The following TCHH variants were observed in gnomAD, a reference collection of about 807,000 sequenced individuals.
TCHH encodes the protein trichohyalin.
Under a neutral mutation model 6.3 loss-of-function variants are expected in TCHH, and 6 were observed. That is an observed-to-expected ratio of 0.95 (90% CI 0.52 to 1.88). TCHH has a LOEUF of 1.88. Ranked by LOEUF, TCHH falls within the 40% of genes most tolerant of loss-of-function variation. The pLI is 0.01. For synonymous variants in TCHH, 1,087 were observed against 963.6 expected, an observed-to-expected ratio of 1.13 and a Z score of -2.37; for missense variants, 2,920 against 2,449.1, an observed-to-expected ratio of 1.19 and a Z score of -4.06.
rs776921016 is a variant in TCHH at position 152,109,580 on chromosome 1, G to C, written c.3637C>G (p.Arg1213Gly). Reference sequence around the variant, plus strand: ...CTGCGCTGATCCTCATCCCGGTATCGCTGCTTCCTTTTCTGGCGCTGAAGC... The same window carrying C: ...CTGCGCTGATCCTCATCCCGGTATCCCTGCTTCCTTTTCTGGCGCTGAAGC... ...EELQRQKRKQ[R>G]YRDEDQRSDL... Residue 1213 changes from arginine (R) to glycine (G), a missense_variant, in exon 3 of 3, where the codon CGA becomes GGA. Arg to Gly is a moderately radical substitution (Grantham distance 125). Coordinates refer to ENST00000614923, the MANE Select transcript of TCHH (RefSeq NM_007113.4). The C allele has an allele frequency of 7.4e-6, 12 of 1,614,206 alleles. No individual in the cohort carries two copies. In the South Asian group the frequency reaches 1.2e-4, roughly 16 times the overall value.
At position 152,112,487 on chromosome 1, in the gene TCHH, T is replaced by TCTCTTCTTC; in HGVS notation, c.721_729dup (p.Glu241_Glu243dup). ...ACTGTCTCGCGCTTCCTCCACTCTT[T>TCTCTTCTTC]CTCTTCTTCCTCCTGGAACACTCTG... On this transcript the variant is annotated inframe_insertion, in exon 3 of 3. Transcript: ENST00000614923. The TCTCTTCTTC allele has an allele frequency of 6.2e-7, 1 of 1,613,002 alleles. No individual in the cohort carries two copies. Among genetic ancestry groups the TCTCTTCTTC allele is most frequent in the Non-Finnish European group, 8.5e-7 (1 of 1,179,668 alleles).
Position 152,107,622 on chromosome 1 carries a change from C to T in TCHH, c.5595G>A (p.Trp1865Ter). 1 of 1,614,154 alleles carries T rather than the reference C, an allele frequency of 6.2e-7. No homozygotes were observed. Among genetic ancestry groups the T allele is most frequent in the South Asian group, 1.1e-5 (1 of 91,080 alleles). ...EKSRREEQELWQEEEQKRRQE... is the reference protein window; with the variant it reads ...EKSRREEQEL ...GGCGACGTTTCTGCTCCTCTTCTTG[C>T]CATAGTTCTTGTTCCTCACGACGAC... is the stretch of plus-strand genomic sequence containing the variant. Residue 1865 changes from tryptophan to a stop codon, truncating the protein, a stop_gained, in exon 3 of 3, where the codon TGG becomes TGA. Coordinates refer to ENST00000614923, the MANE Select transcript of TCHH (RefSeq NM_007113.4). LOFTEE classifies it low-confidence loss of function (END_TRUNC).
In TCHH at chr1:152,108,503, G is replaced by A. The variant is rs1366721040; in HGVS notation, c.4714C>T (p.Leu1572=). The A allele has an allele frequency of 6.2e-7, 1 of 1,612,114 alleles. No individual in the cohort carries two copies. Among genetic ancestry groups the A allele is most frequent in the Admixed American group, 1.7e-5 (1 of 59,878 alleles). ...QLRQEREEQQ[L]SRQERDRKFR... is the part of the protein sequence containing the mutation. ...TTTCTGTCACGCTCTTGGCGGCTCA[G>A]CTGCTGTTCCTCCCTCTCCTGGCGC... Residue 1572 remains leucine, a synonymous_variant, in exon 3 of 3, where the codon CTG becomes TTG. Coordinates refer to ENST00000614923, the MANE Select transcript of TCHH (RefSeq NM_007113.4).
rs765284326 is a variant in TCHH at position 152,114,117 on chromosome 1, A to C, written c.-31-6T>G. 6.4e-6 allele frequency: 10 copies of C among 1,568,828 alleles called. No homozygotes were observed. In the Admixed American group the frequency reaches 2.0e-4, roughly 31 times the overall value. ...TCCTTCAAGTTCAAGTAAACCTAGA[A>C]CAATAAAATAAGATCCAGAATCAAA... On this transcript the variant is annotated splice_region_variant and splice_polypyrimidine_tract_variant and intron_variant, in intron 1 of 2. Transcript: ENST00000614923.
At position 152,108,103 on chromosome 1, in the gene TCHH, C is replaced by A. The variant is rs751590080; in HGVS notation, c.5114G>T (p.Arg1705Leu). The change falls in exon 3 of 3, where the codon CGA (arginine) becomes CTA (leucine). Residue 1705 changes from arginine (R) to leucine (L), a missense_variant. Arg to Leu is a moderately radical substitution (Grantham distance 102). Coordinates refer to ENST00000614923, the MANE Select transcript of TCHH (RefSeq NM_007113.4). ...TTCCTCCTGGAGGAATTTTCTCTCT[C>A]GTTCCTGACGGCGGAGCTGCTGTTC... is the stretch of plus-strand genomic sequence containing the variant. ...EEEQQLRRQE[R>L]ERKFLQEEQQ... is the part of the protein sequence containing the mutation. 1 of 1,600,118 alleles carries A rather than the reference C, an allele frequency of 6.2e-7. No individual in the cohort carries two copies. The highest frequency in any genetic ancestry group is 1.1e-5 in the South Asian group (1 of 90,550).
At position 152,107,567 on chromosome 1, in the gene TCHH, G is replaced by A. The variant is rs759365428; in HGVS notation, c.5650C>T (p.His1884Tyr). 4 of 1,614,116 alleles carry A rather than the reference G, an allele frequency of 2.5e-6. No individual in the cohort carries two copies. The highest frequency in any genetic ancestry group is 1.1e-5 in the South Asian group (1 of 91,072). The change falls in exon 3 of 3, where the codon CAC becomes TAC. Residue 1884 changes from histidine to tyrosine, a missense_variant. By Grantham distance (83) the His-to-Tyr change is moderately conservative. Coordinates refer to ENST00000614923, the MANE Select transcript of TCHH (RefSeq NM_007113.4). ...TCCTCCTTCTGCTGGCGGCGGATGT[G>A]TTCTTCCCGTAATTTCCTTTCCCGT... ...QERERKLREE[H>Y]IRRQQKEEQR... is the part of the protein sequence containing the mutation.
In TCHH at chr1:152,109,394, G is replaced by A. The variant is rs1271594308; in HGVS notation, c.3823C>T (p.Gln1275Ter). 8 of 1,614,122 alleles carry A rather than the reference G, an allele frequency of 5.0e-6. No homozygotes were observed. Among genetic ancestry groups the A allele is most frequent in the Non-Finnish European group, 6.8e-6 (8 of 1,180,050 alleles). Reference sequence around the variant, plus strand: ...CTCTCTTGCTCACGATCTCGCTCTTGCTGTTCACCCAGCAGGTGCTGCAGA... The same window carrying A: ...CTCTCTTGCTCACGATCTCGCTCTTACTGTTCACCCAGCAGGTGCTGCAGA... ...QDLQHLLGEQQERDREQERRR... is the reference protein window; with the variant it reads ...QDLQHLLGEQ The change falls in exon 3 of 3, where the codon CAA becomes TAA. Residue 1275 changes from glutamine (Q) to a stop codon, truncating the protein, a stop_gained. Coordinates refer to ENST00000614923, the MANE Select transcript of TCHH (RefSeq NM_007113.4). LOFTEE classifies it low-confidence loss of function (END_TRUNC).
Position 152,108,181 on chromosome 1 carries a change from C to T in TCHH, c.5036G>A (p.Gly1679Glu), listed in dbSNP as rs993382027. The stretch of plus-strand genomic sequence containing the variant: ...TTGGCGGCGCAGCTGCTGTTCCTCC[C>T]CTTCCTGGAGCAGCTGTTCCTCTTC... ...FREEEQLLQEGEEQQLRRQER... is the reference protein window; with the variant it reads ...FREEEQLLQEEEEQQLRRQER... The change falls in exon 3 of 3, where the codon GGG (glycine) becomes GAG (glutamate). Residue 1679 changes from glycine to glutamate, a missense_variant. Physicochemically the swap from Gly to Glu is moderately conservative, Grantham distance 98. Coordinates refer to ENST00000614923, the MANE Select transcript of TCHH (RefSeq NM_007113.4). The T allele has an allele frequency of 1.0e-5, 16 of 1,606,754 alleles. No individual in the cohort carries two copies. Among genetic ancestry groups the T allele is most frequent in the Non-Finnish European group, 1.4e-5 (16 of 1,177,692 alleles).
In TCHH at chr1:152,107,704, C is replaced by G. The variant is rs1284748235; in HGVS notation, c.5513G>C (p.Arg1838Pro). ...CCGGTACTGCCGGTCTCGCTCCTGC[C>G]GCAGCCTCTGCTCTTGTTCCTCAAG... The part of the protein sequence containing the change: ...LQLEEQEQRL[R>P]QERDRQYRAE... The change falls in exon 3 of 3, where the codon CGG becomes CCG. Residue 1838 changes from arginine (R) to proline (P), a missense_variant. By Grantham distance (103) the Arg-to-Pro change is moderately radical. Transcript: ENST00000614923. 5 of 1,614,090 alleles carry G rather than the reference C, an allele frequency of 3.1e-6. No homozygotes were observed. Among genetic ancestry groups the G allele is most frequent in the African/African-American group, 1.3e-5 (1 of 74,922 alleles).
chr1:152,111,054 C>G lies in TCHH; in HGVS notation c.2163G>C (p.Ser721=), dbSNP rs773271951. The stretch of plus-strand genomic sequence containing the variant: ...TCTGCCCTTCCTGCTTGCGGGGCCT[C>G]GAGTAGACTTTGCTTTGCCGTGCGT... ...EADARQSKVY[S]RPRKQEGQRR... is the part of the protein sequence containing the mutation. The change falls in exon 3 of 3, where the codon TCG becomes TCC. Residue 721 remains serine, a synonymous_variant. Transcript: ENST00000614923. 1.2e-6 allele frequency: 2 copies of G among 1,613,504 alleles called. No homozygotes were observed. The highest frequency in any genetic ancestry group is 4.5e-5 in the East Asian group (2 of 44,836).
At chr1:152,113,250 C>G (rs528683839) in intron 2 of TCHH, among the ~76,000 whole-genome samples, 172 bp from the exon 3 acceptor site, 1 of 152,280 alleles carries the variant, frequency 6.6e-6, no homozygotes, top group East Asian at 1.9e-4. Context: ...TGAACCCTCA[C>G]TTTAAAGCAT....
chr1:152,111,207 C>T lies in TCHH; in HGVS notation c.2010G>A (p.Gln670=). 2 of 1,612,708 alleles carry T rather than the reference C, an allele frequency of 1.2e-6. No homozygotes were observed. Among genetic ancestry groups the T allele is most frequent in the Non-Finnish European group, 1.7e-6 (2 of 1,179,538 alleles). The part of the protein sequence containing the change: ...KREEEEERLE[Q]RLKREHEEER... ...CTTCCTCATGCTCGCGCTTCAGCCG[C>T]TGCTCGAGCCTCTCTTCCTCCTCCT... Residue 670 remains glutamine, a synonymous_variant, in exon 3 of 3, where the codon CAG becomes CAA. Transcript: ENST00000614923.
At position 152,111,903 on chromosome 1, in the gene TCHH, G is replaced by T. The variant is rs781001269; in HGVS notation, c.1314C>A (p.His438Gln). The change falls in exon 3 of 3, where the codon CAC becomes CAA. Residue 438 changes from histidine (H) to glutamine (Q), a missense_variant. Physicochemically the swap from His to Gln is conservative, Grantham distance 24. Transcript: ENST00000614923. Reference protein sequence around the residue: ...EQEEERHEQKHEQERREQRLK... With the variant: ...EQEEERHEQKQEQERREQRLK... ...GCCGCTGCTCGCGCCTCTCCTGCTC[G>T]TGCTTCTGCTCGTGCCTCTCCTCCT... The T allele has an allele frequency of 5.5e-6, 7 of 1,263,046 alleles. No individual in the cohort carries two copies. Among genetic ancestry groups the T allele is most frequent in the Non-Finnish European group, 5.1e-6 (5 of 987,054 alleles). 78.2% of individuals were successfully genotyped at this position (1,263,046 alleles called of 1,614,324 possible). A position where few individuals can be genotyped will look rare whatever the true frequency, so the allele number is the denominator to read the frequency against.
intron 2 of TCHH, 122 bp downstream of exon 2, chr1:152,113,821 T>C (rs908800854): frequency 4.5e-6 from 5 of 1,103,024 alleles, no homozygotes; most frequent in Non-Finnish European, 6.5e-6. Context: ...GAATGGGGGA[T>C]GTAGTGTAGA....
In TCHH at chr1:152,108,944, G is replaced by C. The variant is rs767497333; in HGVS notation, c.4273C>G (p.Arg1425Gly). ...KFREEEQQLS[R>G]QERDRKFREE... ...CGGAATTTTCTGTCACGCTCTTGGC[G>C]GCTCAGCTGCTGTTCCTCCTCGCGG... The change falls in exon 3 of 3, where the codon CGC becomes GGC. Residue 1425 changes from arginine (R) to glycine (G), a missense_variant. Coordinates refer to ENST00000614923, the MANE Select transcript of TCHH (RefSeq NM_007113.4). 76 of 1,612,870 alleles carry C rather than the reference G, an allele frequency of 4.7e-5. No individual in the cohort carries two copies. The Middle Eastern group carries it at 4.3e-3, about 91-fold the overall frequency.
chr1:152,110,603 G>C lies in TCHH; in HGVS notation c.2614C>G (p.Gln872Glu). The C allele has an allele frequency of 6.2e-7, 1 of 1,614,072 alleles. No individual in the cohort carries two copies. The highest frequency in any genetic ancestry group is 1.1e-5 in the South Asian group (1 of 91,084). ...TCTTCTAGTTGCCACCTCCATTTTT[G>C]GTCGCGGCGCTGCTCCTGGCTTCGC... ...RRRSQEQRRD[Q>E]KWRWQLEEER... The change falls in exon 3 of 3, where the codon CAA becomes GAA. Residue 872 changes from glutamine to glutamate, a missense_variant. Transcript: ENST00000614923.
In TCHH at chr1:152,113,083, A is replaced by G. The variant is rs1375956480; in HGVS notation, c.139-5T>C. On this transcript the variant is annotated splice_region_variant and splice_polypyrimidine_tract_variant and intron_variant, in intron 2 of 2. Coordinates refer to ENST00000614923, the MANE Select transcript of TCHH (RefSeq NM_007113.4). ...CGTCTTAGGGTCATGTGGTCTCTATAAAAATGGTGAAAACAAAAATTTTAC... is the reference window on the plus strand; with the variant it reads ...CGTCTTAGGGTCATGTGGTCTCTATGAAAATGGTGAAAACAAAAATTTTAC... 3 of 1,566,276 alleles carry G rather than the reference A, an allele frequency of 1.9e-6. No homozygotes were observed. Among genetic ancestry groups the G allele is most frequent in the South Asian group, 1.2e-5 (1 of 84,866 alleles).
In TCHH at chr1:152,108,154, T is replaced by C. The variant is rs1411166822; in HGVS notation, c.5063A>G (p.Glu1688Gly). The part of the protein sequence containing the change: ...EGEEQQLRRQ[E>G]RDRKFREEEQ... ...CTCTTCGCGGAATTTTCTGTCACGC[T>C]CTTGGCGGCGCAGCTGCTGTTCCTC... The change falls in exon 3 of 3, where the codon GAG becomes GGG. Residue 1688 changes from glutamate to glycine, a missense_variant. Glu to Gly is a moderately conservative substitution (Grantham distance 98). Transcript: ENST00000614923. 2 of 1,613,662 alleles carry C rather than the reference T, an allele frequency of 1.2e-6. No individual in the cohort carries two copies.
Position 152,107,540 on chromosome 1 carries a change from G to C in TCHH, c.5677C>G (p.Gln1893Glu), listed in dbSNP as rs1326119938. The change falls in exon 3 of 3, where the codon CAG (glutamine) becomes GAG (glutamate). Residue 1893 changes from glutamine to glutamate, a missense_variant. Coordinates refer to ENST00000614923, the MANE Select transcript of TCHH (RefSeq NM_007113.4). Reference protein sequence around the residue: ...EHIRRQQKEEQRHRQVGEIKS... With the variant: ...EHIRRQQKEEERHRQVGEIKS... ...ATCTCCCCGACTTGGCGGTGCCTCT[G>C]TTCCTCCTTCTGCTGGCGGCGGATG... is the stretch of plus-strand genomic sequence containing the variant. 2.5e-6 allele frequency: 4 copies of C among 1,614,056 alleles called. No individual in the cohort carries two copies. The highest frequency in any genetic ancestry group is 1.1e-5 in the South Asian group (1 of 91,084).
Sources: allele counts gnomAD v4.1 joint callset (sites outside exome capture counted in the v4.1 genomes callset), GRCh38; gene constraint gnomAD v4.1.1; transcripts MANE v1.5; gene names NCBI Gene and HGNC (gene_info 2026-07-23, HGNC 2026-07-21).